Variants in RANBP2 observed in about 807,000 individuals in gnomAD.
The protein encoded by RANBP2 is RAN binding protein 2, also known as E3 SUMO-protein ligase RanBP2.
Under a neutral mutation model 303.6 loss-of-function variants are expected in RANBP2, and 57 were observed. The observed-to-expected ratio is 0.19, with a 90% CI of 0.15 to 0.23. The LOEUF is 0.23. Among genes scored for constraint, RANBP2 ranks in the 10% least tolerant of loss-of-function variants. The probability of loss-of-function intolerance (pLI) is 1.00; values close to 1 mark genes in which losing one functional copy is unlikely to be tolerated. For missense variants in RANBP2, 3,138 were observed against 3,780.8 expected (o/e 0.83, Z 4.46); for synonymous variants, 1,167 against 1,301.5 (o/e 0.90, Z 2.23).
chr2:109,190,610 A>AATTACCACACTCCCATTGCAC, the RANBP2 span, among the ~76,000 whole-genome samples: 1 of 152,102 alleles, frequency 6.6e-6, no homozygotes, highest in East Asian at 1.9e-4. Context: ...TCCCATTGCA[A>AATTACCACACTCCCATTGCAC]CTAATTATAT....
the RANBP2 span, among the ~76,000 whole-genome samples, chr2:108,817,583 G>A: frequency 6.6e-6 from 1 of 152,188 alleles, no homozygotes; most frequent in Non-Finnish European, 1.5e-5. Flanking sequence ...GAGCCACCGT[G>A]CCCAGCCATC....
the RANBP2 span, chr2:108,930,297 C>T: frequency 1.9e-6 from 3 of 1,612,584 alleles, no homozygotes; most frequent in Non-Finnish European, 2.5e-6. Context: ...ACACATGTGA[C>T]TCCTGCAAGA....
At chr2:109,023,112 GA>G in the RANBP2 span, among the ~76,000 whole-genome samples, 28 of 152,302 alleles carry the variant, frequency 1.8e-4, no homozygotes, top group Non-Finnish European at 3.4e-4. Context: ...ATGAAACCTT[GA>G]TAATATGTAC....
the RANBP2 span, among the ~76,000 whole-genome samples, chr2:109,122,517 TC>T: frequency 6.6e-6 from 1 of 152,166 alleles, no homozygotes; most frequent in Non-Finnish European, 1.5e-5. Flanking sequence ...ATAAGAGAAT[TC>T]AAGTGTGGCT....
the RANBP2 span, among the ~76,000 whole-genome samples, chr2:109,188,402 G>A: frequency 1.3e-5 from 2 of 152,218 alleles, no homozygotes; most frequent in East Asian, 1.9e-4. Context: ...GCTGCTCAGC[G>A]GGGTCTGGGA....
the RANBP2 span, among the ~76,000 whole-genome samples, chr2:108,829,048 G>A: frequency 6.6e-6 from 1 of 152,088 alleles, no homozygotes; most frequent in East Asian, 1.9e-4. Context: ...AAAACTCTTA[G>A]AAGAAGACAC....
the RANBP2 span, among the ~76,000 whole-genome samples, chr2:109,528,712 G>A: frequency 2.0e-5 from 3 of 152,156 alleles, no homozygotes; most frequent in South Asian, 2.1e-4. Context: ...ATGGAACCAC[G>A]GTCCCCAAAG....
the RANBP2 span, among the ~76,000 whole-genome samples, chr2:109,212,698 G>A: frequency 2.2e-4 from 34 of 152,288 alleles, no homozygotes; most frequent in African/African-American, 7.5e-4. Context: ...TGTAATCACA[G>A]AACTAATTGT....
the RANBP2 span, among the ~76,000 whole-genome samples, chr2:108,956,453 T>C: frequency 6.6e-6 from 1 of 152,222 alleles, no homozygotes; most frequent in Non-Finnish European, 1.5e-5. Context: ...TGTCCTCCAC[T>C]AGCACTGCAC....
the RANBP2 span, among the ~76,000 whole-genome samples, chr2:109,701,170 T>A: frequency 6.6e-6 from 1 of 152,166 alleles, no homozygotes; most frequent in African/African-American, 2.4e-5. Context: ...CCAAACCCCA[T>A]GAGGAGCTCC....
chr2:109,428,871 G>A, the RANBP2 span, among the ~76,000 whole-genome samples: 1 of 152,138 alleles, frequency 6.6e-6, no homozygotes, highest in Non-Finnish European at 1.5e-5. Context: ...GGAGCCAGGA[G>A]GTTGTGAGCC....
At chr2:108,757,644 A>G (rs919071408) in intron 17 of RANBP2, among the ~76,000 whole-genome samples, 4 of 152,208 alleles carry the variant, frequency 2.6e-5, no homozygotes, top group South Asian at 2.1e-4. Context: ...TTGGGGAGGT[A>G]ACGCGGAATG....
the RANBP2 span, among the ~76,000 whole-genome samples, chr2:109,044,590 G>A: frequency 7.3e-5 from 4 of 54,582 alleles, no homozygotes; most frequent in Non-Finnish European, 2.4e-4. Flanking sequence ...AATATTTATG[G>A]AATTGTCCTT....
the RANBP2 span, among the ~76,000 whole-genome samples, chr2:109,374,681 G>A: frequency 6.6e-6 from 1 of 152,208 alleles, no homozygotes; most frequent in Non-Finnish European, 1.5e-5. Context: ...CACACTAAGA[G>A]GATATCTTCT....
the RANBP2 span, among the ~76,000 whole-genome samples, chr2:108,805,247 A>G: frequency 6.5e-4 from 99 of 152,252 alleles, no homozygotes; most frequent in African/African-American, 2.3e-3. Context: ...TGATAACCTG[A>G]GAACTGATTA....
chr2:108,950,530 A>G, the RANBP2 span, among the ~76,000 whole-genome samples: 1 of 152,146 alleles, frequency 6.6e-6, no homozygotes, highest in African/African-American at 2.4e-5. Context: ...AGCACAAGAG[A>G]TTGTTTATTC....
the RANBP2 span, among the ~76,000 whole-genome samples, chr2:109,272,867 G>A: frequency 2.0e-5 from 3 of 152,278 alleles, no homozygotes; most frequent in East Asian, 3.9e-4. Context: ...GTCGGCAAAC[G>A]TTCTCTAACA....
chr2:109,641,126 T>TTTAC, the RANBP2 span, among the ~76,000 whole-genome samples: 1 of 138,834 alleles, frequency 7.2e-6, no homozygotes, highest in Non-Finnish European at 1.6e-5. Flanking sequence ...AAGGAATGGT[T>TTTAC]TTATTTATTT....
chr2:108,778,763 G>C (rs1038221936), intron 25 of RANBP2, among the ~76,000 whole-genome samples: 1 of 150,670 alleles, frequency 6.6e-6, no homozygotes, highest in Non-Finnish European at 1.5e-5. Context: ...ATGTCACTCT[G>C]TTGCCCAGGC....
Sources: gnomAD v4.1 joint callset for allele counts (sites outside exome capture counted in the v4.1 genomes callset) on GRCh38, gnomAD v4.1.1 for gene constraint, MANE v1.5 for transcripts, NCBI Gene and HGNC (gene_info 2026-07-23, HGNC 2026-07-21) for gene names.